The following TARBP1 variants were observed in gnomAD, a reference collection of about 807,000 sequenced individuals.
TARBP1 encodes the protein tRNA (guanosine(18)-2'-O)-methyltransferase TARBP1.
In TARBP1, 144 loss-of-function variants were observed where a neutral mutation model predicts 178.6. That is an observed-to-expected ratio of 0.81 (90% CI 0.70 to 0.93). The LOEUF (loss-of-function observed/expected upper bound fraction) is 0.93, where lower values mean the gene tolerates loss of function less well. TARBP1 is among the 40% of genes least tolerant of loss of function. TARBP1 has a pLI of 0.00. For synonymous variants in TARBP1, 787 were observed against 781.0 expected, an observed-to-expected ratio of 1.01 and a Z score of -0.13; for missense variants, 2,067 against 2,011.7, an observed-to-expected ratio of 1.03 and a Z score of -0.53.
rs762852592 is a variant in TARBP1 at position 234,430,069 on chromosome 1, C to A, written c.2609+18G>T. The A allele has an allele frequency of 6.9e-6, 11 of 1,598,066 alleles. 1 individual carries two copies. Among genetic ancestry groups the A allele is most frequent in the South Asian group, 1.1e-5 (1 of 90,594 alleles). On this transcript the variant is annotated intron_variant, in intron 15 of 29. Transcript: ENST00000040877. The stretch of plus-strand genomic sequence containing the variant: ...ACAACAACAGAAATGGATTTTTAAG[C>A]CTTAACCTTCCCTGTACCTGCTGCA...
chr1:234,470,883 T>C (rs1380893602), intron 3 of TARBP1, among the ~76,000 whole-genome samples: 1 of 152,178 alleles, frequency 6.6e-6, no homozygotes, highest in Non-Finnish European at 1.5e-5. Context: ...CCCAAAGTGC[T>C]GGGATTACAG....
chr1:234,452,254 A>G (rs996694699), intron 9 of TARBP1, among the ~76,000 whole-genome samples: 2 of 152,172 alleles, frequency 1.3e-5, no homozygotes, highest in African/African-American at 4.8e-5. Flanking sequence ...AGTCTCAAAA[A>G]TCTATTTGGA....
chr1:234,478,267 C>G lies in TARBP1; in HGVS notation c.837G>C (p.Leu279=). Residue 279 remains leucine, a synonymous_variant, in exon 1 of 30, where the codon CTG becomes CTC. Coordinates refer to ENST00000040877, the MANE Select transcript of TARBP1 (RefSeq NM_005646.4). ...GCAGGTAGCGCGCTCGCTTGCGCGT[C>G]AGGGCGTCCGCCTGGCCCAGCCCCG... ...VQAGLGQADA[L]TRKRARYLLQ... is the part of the protein sequence containing the mutation. The G allele has an allele frequency of 6.3e-7, 1 of 1,599,378 alleles. No homozygotes were observed. The highest frequency in any genetic ancestry group is 8.5e-7 in the Non-Finnish European group (1 of 1,174,884).
At chr1:234,414,289 G>C (rs1337338428) in intron 22 of TARBP1, among the ~76,000 whole-genome samples, 1 of 152,198 alleles carries the variant, frequency 6.6e-6, no homozygotes, top group Non-Finnish European at 1.5e-5. Flanking sequence ...TCCTGATCTA[G>C]AGTCAGGGGA....
Position 234,393,807 on chromosome 1 carries a change from G to T in TARBP1, c.4274C>A (p.Ala1425Glu). 2 of 1,612,806 alleles carry T rather than the reference G, an allele frequency of 1.2e-6. No individual in the cohort carries two copies. The highest frequency in any genetic ancestry group is 1.7e-6 in the Non-Finnish European group (2 of 1,179,296). ...CTTCTTCTGAACGTCGGTCCACTCC[G>T]CTTGGTTATCTGCTTCGACCAAATT... ...GTNLVEADNQ[A>E]EWTDVQKKII... The change falls in exon 27 of 30, where the codon GCG becomes GAG. Residue 1425 changes from alanine to glutamate, a missense_variant. Ala to Glu is a moderately radical substitution (Grantham distance 107, BLOSUM62 -1). Transcript: ENST00000040877.
In TARBP1 at chr1:234,393,685, C is replaced by T. The variant is rs574387954; in HGVS notation, c.4396G>A (p.Val1466Ile). 17 of 1,613,732 alleles carry T rather than the reference C, an allele frequency of 1.1e-5. No homozygotes were observed. In the Admixed American group the frequency reaches 1.2e-4, roughly 11 times the overall value. The change falls in exon 27 of 30, where the codon GTT becomes ATT. Residue 1466 changes from valine to isoleucine, a missense_variant. By Grantham distance (29) the Val-to-Ile change is conservative (BLOSUM62 3). Transcript: ENST00000040877. Reference sequence around the variant, plus strand: ...GGTTTGTCGATGAGCGAGGCCACAACGATGAGTCTACTAATTGACTTTCCA... The same window carrying T: ...GGTTTGTCGATGAGCGAGGCCACAATGATGAGTCTACTAATTGACTTTCCA... ...RLGKSISRLIVVASLIDKPTN... is the reference protein window; with the variant it reads ...RLGKSISRLIIVASLIDKPTN...
intron 23 of TARBP1, 51 bp downstream of exon 23, chr1:234,410,390 AATAC>A (rs2103064704): frequency 8.9e-7 from 1 of 1,126,438 alleles, no homozygotes; most frequent in Non-Finnish European, 1.3e-6. Context: ...AATTGGTACA[AATAC>A]ATACAATTCT....
At chr1:234,439,325 A>G in intron 12 of TARBP1, among the ~76,000 whole-genome samples, 1 of 152,204 alleles carries the variant, frequency 6.6e-6, no homozygotes, top group African/African-American at 2.4e-5. Flanking sequence ...AATATAAGAC[A>G]ACTACCATAG....
chr1:234,450,631 CT>C, intron 9 of TARBP1, 65 bp from the exon 10 acceptor site: 1 of 1,528,738 alleles, frequency 6.5e-7, no homozygotes, highest in South Asian at 1.3e-5. Context: ...TTCTAATCTC[CT>C]TAAGCCACGT....
intron 12 of TARBP1, among the ~76,000 whole-genome samples, chr1:234,445,199 G>T (rs11578044): frequency 0.15 from 23,303 of 152,024 alleles, 1,986 homozygotes; most frequent in Middle Eastern, 0.19. Flanking sequence ...GTTCTTCGCT[G>T]GCTTCCTGGT....
Position 234,433,487 on chromosome 1 carries a change from C to G in TARBP1, c.2317G>C (p.Gly773Arg). 1 of 1,613,996 alleles carries G rather than the reference C, an allele frequency of 6.2e-7. No individual in the cohort carries two copies. The highest frequency in any genetic ancestry group is 1.3e-5 in the African/African-American group (1 of 75,024). Residue 773 changes from glycine (G) to arginine (R), a missense_variant, in exon 14 of 30, where the codon GGT (glycine) becomes CGT (arginine). Physicochemically the swap from Gly to Arg is moderately radical, Grantham distance 125. Coordinates refer to ENST00000040877, the MANE Select transcript of TARBP1 (RefSeq NM_005646.4). The part of the protein sequence containing the change: ...NLHLKVGWKR[G>R]NPIWRVISLL... ...GAAATAACTCTCCAGATAGGGTTAC[C>G]CCTTTTCCACCCAACCTTCAAATGC...
chr1:234,472,460 CTGATAA>C (rs1229184507), intron 2 of TARBP1, among the ~76,000 whole-genome samples: 7 of 149,528 alleles, frequency 4.7e-5, no homozygotes, highest in African/African-American at 1.2e-4. Context: ...GATACTGATA[CTGATAA>C]ACGTTAAAGT....
chr1:234,428,823 G>A (rs1347341719), intron 17 of TARBP1, among the ~76,000 whole-genome samples: 3 of 152,208 alleles, frequency 2.0e-5, no homozygotes, highest in Non-Finnish European at 4.4e-5. Context: ...TGGGATCACA[G>A]GCATGAGCCA....
At position 234,444,962 on chromosome 1, in the gene TARBP1, G is replaced by T. The variant is rs138497318; in HGVS notation, c.2134+1841C>A. Among the ~76,000 whole-genome samples the T allele has an allele frequency of 7.7e-4, 117 of 151,960 alleles. 1 individual carries two copies. The highest frequency in any genetic ancestry group is 1.5e-3 in the Non-Finnish European group (105 of 67,986). ...CTTAAGGAAACAAAAACAACTTCTC[G>T]TTCCTCACCACCAACGGCCCCATTT... On this transcript the variant is annotated intron_variant, in intron 12 of 29. Coordinates refer to ENST00000040877, the MANE Select transcript of TARBP1 (RefSeq NM_005646.4).
At chr1:234,447,195 T>C (rs1666265855) in intron 11 of TARBP1, among the ~76,000 whole-genome samples, 2 of 152,104 alleles carry the variant, frequency 1.3e-5, no homozygotes, top group South Asian at 4.1e-4. Context: ...GAAGAACCAC[T>C]GTCTTCAATG....
chr1:234,416,139 T>TGA (rs1023948505), intron 22 of TARBP1, among the ~76,000 whole-genome samples: 17 of 152,188 alleles, frequency 1.1e-4, no homozygotes, highest in Middle Eastern at 3.2e-3. Flanking sequence ...CTGCCCTTTG[T>TGA]GAGAATTCCT....
chr1:234,399,728 C>A (rs1015434254), intron 25 of TARBP1, among the ~76,000 whole-genome samples: 1 of 152,080 alleles, frequency 6.6e-6, no homozygotes, highest in East Asian at 1.9e-4. Flanking sequence ...AGTTCATGTC[C>A]TTTGTAGGGA....
chr1:234,429,041 C>A (rs984565755), intron 17 of TARBP1, 95 bp downstream of exon 17: 16 of 1,159,404 alleles, frequency 1.4e-5, no homozygotes, highest in South Asian at 6.2e-5. Flanking sequence ...GAATAAAGAG[C>A]CAAAAATCTA....
rs1314762028 is a variant in TARBP1 at position 234,479,086 on chromosome 1, C to G, written c.18G>C (p.Ala6=). Residue 6 remains alanine, a synonymous_variant, in exon 1 of 30, where the codon GCG becomes GCC. Coordinates refer to ENST00000040877, the MANE Select transcript of TARBP1 (RefSeq NM_005646.4). ...CCCGGCTCTGCGAGAGCAGCGCTTC[C>G]GCGAGCACCCACTCCATTTGCCGAG... MEWVL[A]EALLSQSRDP... is the part of the protein sequence containing the mutation. The G allele has an allele frequency of 6.5e-7, 1 of 1,538,492 alleles. No homozygotes were observed. The highest frequency in any genetic ancestry group is 2.0e-5 in the Admixed American group (1 of 51,182).
Sources: allele counts gnomAD v4.1 joint callset (sites outside exome capture counted in the v4.1 genomes callset), GRCh38; gene constraint gnomAD v4.1.1; transcripts MANE v1.5; gene names NCBI Gene and HGNC (gene_info 2026-07-23, HGNC 2026-07-21).